POFUT2: variants seen among roughly 807,000 people sequenced by gnomAD.
POFUT2 encodes the protein GDP-fucose protein O-fucosyltransferase 2.
POFUT2 carries 30 observed loss-of-function variants against 55.0 expected under a neutral mutation model. The ratio of observed to expected loss-of-function variants is 0.55; its 90% CI spans 0.41 to 0.74. The LOEUF is 0.74. Among genes scored for constraint, POFUT2 ranks in the 30% least tolerant of loss-of-function variants. The pLI is 0.00. For missense variants in POFUT2, 524 were observed against 562.6 expected, an observed-to-expected ratio of 0.93 and a Z score of 0.69; for synonymous variants, 267 against 231.1, an observed-to-expected ratio of 1.16 and a Z score of -1.41.
intron 6 of POFUT2, among the ~76,000 whole-genome samples, chr21:45,274,599 C>T (rs2330103): frequency 0.38 from 58,264 of 152,002 alleles, 11,432 homozygotes; most frequent in South Asian, 0.55. Flanking sequence ...AGCATGGTAC[C>T]GCTATAAAAA....
rs777257567 is a variant in POFUT2, at chr21:45,277,066, G to A, written c.782C>T (p.Thr261Met). 16 of 1,613,952 alleles carry A rather than the reference G, an allele frequency of 9.9e-6. No individual in the cohort carries two copies. In the South Asian group the frequency reaches 1.2e-4, roughly 12 times the overall value. ...GAAGGGGATCCTGTCTGCGTCGTCC[G>A]TGGAGTTGAGATGTCTGCTCCTGAA... ...DEFRSRHLNS[T>M]DDADRIPFQE... Residue 261 changes from threonine to methionine, a missense_variant, in exon 6 of 9, where the codon ACG (threonine) becomes ATG (methionine). Physicochemically the swap from Thr to Met is moderately conservative, Grantham distance 81. This residue lies in a region of POFUT2 where 250 missense variants were observed against 318.2 expected (regional missense o/e 0.79). Coordinates refer to ENST00000349485, the MANE Select transcript of POFUT2 (RefSeq NM_133635.6). The surrounding 1 kb of genome is among the most constrained non-coding windows in gnomAD (Gnocchi z 6.9).
rs545123055 is a variant in POFUT2, at chr21:45,277,155, C to T, written c.706-13G>A. 46 of 1,610,386 alleles carry T rather than the reference C, an allele frequency of 2.9e-5. 1 individual carries two copies. The South Asian group carries it at 4.0e-4, about 14-fold the overall frequency. On this transcript the variant is annotated splice_polypyrimidine_tract_variant and intron_variant, in intron 5 of 8. Transcript: ENST00000349485. The surrounding 1 kb of genome is among the most constrained non-coding windows in gnomAD (Gnocchi z 6.9). ...TGCTGCGACGGGTCTGTGGAAACGG[C>T]GACGGCTCGGCTGAGAACACGCCCG...
At chr21:45,274,872 T>G (rs1462138374) in intron 6 of POFUT2, among the ~76,000 whole-genome samples, 1 of 152,176 alleles carries the variant, frequency 6.6e-6, no homozygotes, top group Non-Finnish European at 1.5e-5. Context: ...AGACACTGGC[T>G]TAGGCAAAGA....
At chr21:45,287,232 G>A (rs2031531912) in intron 1 of POFUT2, among the ~76,000 whole-genome samples, 1 of 92,806 alleles carries the variant, frequency 1.1e-5, no homozygotes, top group East Asian at 3.9e-4. Context: ...TCCCGTCCCC[G>A]TCCCATCCTT....
At position 45,277,919 on chromosome 21, in the gene POFUT2, T is replaced by C; in HGVS notation, c.705+184A>G. ...GTGGCCCTGCGGGCTCCCGAGGACCTGGCTCTGCAGCCACGTGAGGCTTGG... is the reference window on the plus strand; with the variant it reads ...GTGGCCCTGCGGGCTCCCGAGGACCCGGCTCTGCAGCCACGTGAGGCTTGG... On this transcript the variant is annotated intron_variant, in intron 5 of 8. Coordinates refer to ENST00000349485, the MANE Select transcript of POFUT2 (RefSeq NM_133635.6). This position sits in a 1 kb window ranked among gnomAD's most constrained non-coding sequence, Gnocchi z 6.9. The C allele has an allele frequency of 1.5e-6, 1 of 658,692 alleles. No individual in the cohort carries two copies. The allele number at this position is 658,692 out of a possible 1,614,324, so 40.8% of individuals were successfully genotyped here. A position where few individuals can be genotyped will look rare whatever the true frequency, so the allele number is the denominator to read the frequency against.
rs146047414 is a variant in POFUT2 at position 45,277,417 on chromosome 21, G to A, written c.706-275C>T. The A allele has an allele frequency of 3.1e-3, 1,404 of 449,768 alleles. 18 individuals are homozygous for A. Among genetic ancestry groups the A allele is most frequent in the African/African-American group, 0.016 (781 of 50,370 alleles). 27.9% of individuals were successfully genotyped at this position (449,768 alleles called of 1,614,324 possible). A position where few individuals can be genotyped will look rare whatever the true frequency, so the allele number is the denominator to read the frequency against. On this transcript the variant is annotated intron_variant, in intron 5 of 8. Transcript: ENST00000349485. This position sits in a 1 kb window ranked among gnomAD's most constrained non-coding sequence, Gnocchi z 6.9. ...CGGCACACACTGGGCTCAGCTGGCC[G>A]TTGCCCCTGGCTGGCACAACTGTGT...
chr21:45,283,202 G>C (rs2030912619), intron 3 of POFUT2, 181 bp downstream of exon 3: 7 of 428,082 alleles, frequency 1.6e-5, no homozygotes, highest in South Asian at 1.5e-4. Flanking sequence ...GTTGCGGCCG[G>C]GGGGAGTGGG....
In POFUT2 at chr21:45,267,474, G is replaced by A. The variant is rs752500139; in HGVS notation, c.1136+116C>T. On this transcript the variant is annotated intron_variant, in intron 8 of 8. Transcript: ENST00000349485. This position sits in a 1 kb window ranked among gnomAD's most constrained non-coding sequence, Gnocchi z 4.4. ...ACTCAGACGAGGAGGCAAACAGTAT[G>A]GAAATGACCACTGTGAACACAGGCG... The A allele has an allele frequency of 5.6e-6, 9 of 1,614,034 alleles. No individual in the cohort carries two copies. The highest frequency in any genetic ancestry group is 1.3e-5 in the African/African-American group (1 of 74,928).
At chr21:45,276,665 G>GTT (rs1035564574) in intron 6 of POFUT2, among the ~76,000 whole-genome samples, 2 of 152,176 alleles carry the variant, frequency 1.3e-5, no homozygotes, top group African/African-American at 4.8e-5. Flanking sequence ...CAAGTCAAGA[G>GTT]GGAAAAAGGC....
chr21:45,283,914 AC>A (rs1329150310), intron 2 of POFUT2, among the ~76,000 whole-genome samples: 2 of 151,182 alleles, frequency 1.3e-5, no homozygotes, highest in Non-Finnish European at 3.0e-5. Context: ...ACTGTCCCCT[AC>A]CCCCCTGGTT....
rs11558445 is a variant in POFUT2 at position 45,265,260 on chromosome 21, A to G, written c.*222T>C. Reference sequence around the variant, plus strand: ...CAGACGCTGCCTGAAAACAACCGCCACCCCCGAGAGCAGCGGAGCCTCTTC... The same window carrying G: ...CAGACGCTGCCTGAAAACAACCGCCGCCCCCGAGAGCAGCGGAGCCTCTTC... On this transcript the variant is annotated 3_prime_UTR_variant, in exon 9 of 9. Transcript: ENST00000349485. This position sits in a 1 kb window ranked among gnomAD's most constrained non-coding sequence, Gnocchi z 4.6. 0.37 allele frequency: 145,099 copies of G among 397,492 alleles called. 28,006 individuals are homozygous for G. Among genetic ancestry groups the G allele is most frequent in the African/African-American group, 0.52 (25,297 of 48,398 alleles). The allele number at this position is 397,492 out of a possible 1,614,324, so 24.6% of individuals were successfully genotyped here. A position where few individuals can be genotyped will look rare whatever the true frequency, so the allele number is the denominator to read the frequency against.
At position 45,285,088 on chromosome 21, in the gene POFUT2, C is replaced by G. The variant is rs762327753; in HGVS notation, c.382+590G>C. Among the ~76,000 whole-genome samples the G allele has an allele frequency of 2.0e-5, 3 of 152,166 alleles. No homozygotes were observed. The highest frequency in any genetic ancestry group is 4.4e-5 in the Non-Finnish European group (3 of 68,032). On this transcript the variant is annotated intron_variant, in intron 2 of 8. Coordinates refer to ENST00000349485, the MANE Select transcript of POFUT2 (RefSeq NM_133635.6). The surrounding 1 kb of genome is among the most constrained non-coding windows in gnomAD (Gnocchi z 4.9). Reference sequence around the variant, plus strand: ...GATGCTGGAAAGCAGGAGCCTGACTCAAAACTAACTCATTCGTCTTCAAGG... The same window carrying G: ...GATGCTGGAAAGCAGGAGCCTGACTGAAAACTAACTCATTCGTCTTCAAGG...
rs2146648471 is a variant in POFUT2 at position 45,281,282 on chromosome 21, T to C, written c.638+1067A>G. Among the ~76,000 whole-genome samples, 1 of 152,278 alleles carries C rather than the reference T, an allele frequency of 6.6e-6. No individual in the cohort carries two copies. Among genetic ancestry groups the C allele is most frequent in the Non-Finnish European group, 1.5e-5 (1 of 68,008 alleles). On this transcript the variant is annotated intron_variant, in intron 4 of 8. Transcript: ENST00000349485. This position sits in a 1 kb window ranked among gnomAD's most constrained non-coding sequence, Gnocchi z 5.0. The stretch of plus-strand genomic sequence containing the variant: ...CAAAAAAACTGACTGGCAAGACTGT[T>C]CCACAGGCCCCAAACGTAGGCAGAC...
At chr21:45,276,164 G>A (rs2093261531) in intron 6 of POFUT2, among the ~76,000 whole-genome samples, 2 of 151,710 alleles carry the variant, frequency 1.3e-5, no homozygotes, top group African/African-American at 4.8e-5. Flanking sequence ...ACTCCGGCCT[G>A]GGCGACAGAG....
intron 3 of POFUT2, among the ~76,000 whole-genome samples, chr21:45,283,105 G>A (rs915258935): frequency 2.6e-5 from 4 of 151,560 alleles, no homozygotes; most frequent in Admixed American, 6.6e-5. Context: ...AAGGGCCGCC[G>A]CAACACTGTC....
At position 45,271,308 on chromosome 21, in the gene POFUT2, T is replaced by G. The variant is rs542739699; in HGVS notation, c.832-1289A>C. ...ACAGGAGAAGAAAGAGCTTCAGAGC[T>G]CGAAGACAAGGTTTTCAAATTAGCC... On this transcript the variant is annotated intron_variant, in intron 6 of 8. Transcript: ENST00000349485. Among the ~76,000 whole-genome samples, 53 of 152,220 alleles carry G rather than the reference T, an allele frequency of 3.5e-4. 3 individuals carry two copies. The South Asian group carries it at 0.011, about 31-fold the overall frequency.
At position 45,265,634 on chromosome 21, in the gene POFUT2, A is replaced by G. The variant is rs765450097; in HGVS notation, c.1138T>C (p.Phe380Leu). Residue 380 changes from phenylalanine (F) to leucine (L), a missense_variant and splice_region_variant, in exon 9 of 9, where the codon TTT (phenylalanine) becomes CTT (leucine). This residue lies in a region of POFUT2 where 250 missense variants were observed against 318.2 expected (regional missense o/e 0.79). Transcript: ENST00000349485. The surrounding 1 kb of genome is among the most constrained non-coding windows in gnomAD (Gnocchi z 4.6). ...GTTGAGACTGAGGTGCCAATAAAAA[A>G]CCTGCAAAGGATCACAGAGGTTCCA... ...IDQWICAHAR[F>L]FIGTSVSTFS... 22 of 1,612,408 alleles carry G rather than the reference A, an allele frequency of 1.4e-5. No individual in the cohort carries two copies. The Admixed American group carries it at 2.7e-4, about 20-fold the overall frequency.
In POFUT2 at chr21:45,285,174, A is replaced by T. The variant is rs1219776482; in HGVS notation, c.382+504T>A. ...TATCTCTTCCAAACAACGCAACACA[A>T]AAAGCTCTAAATACCTTCATTCTAA... On this transcript the variant is annotated intron_variant, in intron 2 of 8. Transcript: ENST00000349485. This position sits in a 1 kb window ranked among gnomAD's most constrained non-coding sequence, Gnocchi z 4.9. The T allele has an allele frequency of 5.8e-6, 1 of 173,550 alleles. No individual in the cohort carries two copies. The highest frequency in any genetic ancestry group is 1.2e-5 in the Non-Finnish European group (1 of 80,426). 10.8% of individuals were successfully genotyped at this position (173,550 alleles called of 1,614,324 possible).
chr21:45,283,667 AG>A lies in POFUT2; in HGVS notation c.383-141del, dbSNP rs1211210460. On this transcript the variant is annotated intron_variant, in intron 2 of 8. Transcript: ENST00000349485. ...GGGAGTGTAGGAGGCTCACAAAAGC[AG>A]AGACAGGGCAGAGCACATGCCATGA... 22 of 865,892 alleles carry A rather than the reference AG, an allele frequency of 2.5e-5. 1 individual carries two copies. The East Asian group carries it at 5.2e-4, about 20-fold the overall frequency. 53.6% of individuals were successfully genotyped at this position (865,892 alleles called of 1,614,324 possible). A position where few individuals can be genotyped will look rare whatever the true frequency, so the allele number is the denominator to read the frequency against.
Sources: gnomAD v4.1 joint callset for allele counts (sites outside exome capture counted in the v4.1 genomes callset) on GRCh38, gnomAD v4.1.1 for gene constraint, gnomAD v4.1.1 regional missense constraint, Gnocchi (gnomAD v3.1) non-coding constraint, MANE v1.5 for transcripts, NCBI Gene and HGNC (gene_info 2026-07-23, HGNC 2026-07-21) for gene names.